Variants in ANKRD36 observed in about 807,000 individuals in gnomAD.
ANKRD36 encodes ankyrin repeat domain-containing protein 36A.
ANKRD36 carries 179 observed loss-of-function variants against 278.1 expected under a neutral mutation model. That is an observed-to-expected ratio of 0.64 (90% CI 0.57 to 0.73). The LOEUF is 0.73. Ranked by LOEUF, ANKRD36 falls within the 30% of genes least tolerant of loss-of-function variation. The probability of loss-of-function intolerance (pLI) is 0.00; values close to 1 mark genes in which losing one functional copy is unlikely to be tolerated. For missense variants in ANKRD36, 1,159 were observed against 1,956.7 expected (o/e 0.59, Z 7.69); for synonymous variants, 320 against 641.1 (o/e 0.50, Z 7.57).
At chr2:97,182,090 G>A (rs1335881934) in intron 26 of ANKRD36, among the ~76,000 whole-genome samples, 1 of 151,240 alleles carries the variant, frequency 6.6e-6, no homozygotes, top group Non-Finnish European at 1.5e-5. Context: ...TTTCACCAAG[G>A]GAGGAAGGAG....
intron 75 of ANKRD36, among the ~76,000 whole-genome samples, chr2:97,250,414 T>A (rs1308100395): frequency 7.0e-6 from 1 of 142,792 alleles, no homozygotes; most frequent in Non-Finnish European, 1.5e-5. Flanking sequence ...TGTGTATCCC[T>A]TTTTTTCTGG....
chr2:97,177,106 A>C (rs960525687), intron 22 of ANKRD36, among the ~76,000 whole-genome samples: 2 of 151,802 alleles, frequency 1.3e-5, no homozygotes, highest in African/African-American at 4.8e-5. Context: ...AATACCTAGG[A>C]ATCCAACTTA....
At chr2:97,135,312 T>C (rs2041205662) in intron 6 of ANKRD36, among the ~76,000 whole-genome samples, 1 of 151,820 alleles carries the variant, frequency 6.6e-6, no homozygotes, top group Non-Finnish European at 1.5e-5. Context: ...TGCTGAACTC[T>C]ATGTGTACAA....
chr2:97,163,256 G>T (rs1320159332), intron 18 of ANKRD36: 1 of 452,338 alleles, frequency 2.2e-6, no homozygotes, highest in Admixed American at 2.4e-5. Context: ...AACAGAGCAA[G>T]ACTCCATGTC....
At chr2:97,237,434 T>C (rs1379611717) in intron 68 of ANKRD36, among the ~76,000 whole-genome samples, 2 of 151,598 alleles carry the variant, frequency 1.3e-5, no homozygotes, top group African/African-American at 2.4e-5. Flanking sequence ...TTATATAAAT[T>C]ATTTTGACTT....
At chr2:97,157,973 C>T (rs2047894046) in intron 15 of ANKRD36, 134 bp from the exon 16 acceptor site, 2 of 727,844 alleles carry the variant, frequency 2.7e-6, no homozygotes, top group African/African-American at 1.8e-5. Flanking sequence ...AAGTAAATGG[C>T]AGACTTGAGG....
Position 97,149,284 on chromosome 2 carries a change from T to G in ANKRD36, c.1035-11T>G, listed in dbSNP as rs1330596098. The G allele has an allele frequency of 7.9e-5, 121 of 1,532,320 alleles. No homozygotes were observed. The highest frequency in any genetic ancestry group is 1.1e-4 in the Non-Finnish European group (121 of 1,143,822). The allele number at this position is 1,532,320 out of a possible 1,614,324, so 94.9% of individuals were successfully genotyped here. ...ATGAGCTCATTTTTGTAATATCTTT[T>G]TGCTCTGTAGGAGTCTCTACAGACC... On this transcript the variant is annotated splice_polypyrimidine_tract_variant and intron_variant, in intron 11 of 75. Coordinates refer to ENST00000420699, the MANE Select transcript of ANKRD36 (RefSeq NM_001354587.1).
In ANKRD36 at chr2:97,154,675, G is replaced by A. The variant is rs2047022759; in HGVS notation, c.1194G>A (p.Arg398=). The change falls in exon 15 of 76, where the codon AGG becomes AGA. Residue 398 remains arginine (R), a splice_region_variant and synonymous_variant. Coordinates refer to ENST00000420699, the MANE Select transcript of ANKRD36 (RefSeq NM_001354587.1). ...TTTGTAATATCTTTTTGCTCTGTAG[G>A]TGTCTCTACCTACTGGACCGTTTTG... ...VLPPVEEAVD[R]CLYLLDRFAQ... is the part of the protein sequence containing the mutation. 3 of 1,485,728 alleles carry A rather than the reference G, an allele frequency of 2.0e-6. No individual in the cohort carries two copies. The highest frequency in any genetic ancestry group is 1.4e-5 in the African/African-American group (1 of 72,634). 92.0% of individuals were successfully genotyped at this position (1,485,728 alleles called of 1,614,324 possible).
rs746229395 is a variant in ANKRD36 at position 97,209,849 on chromosome 2, A to T, written c.3344A>T (p.Lys1115Met). Residue 1115 changes from lysine (K) to methionine (M), a missense_variant, in exon 56 of 76, where the codon AAG (lysine) becomes ATG (methionine). Coordinates refer to ENST00000420699, the MANE Select transcript of ANKRD36 (RefSeq NM_001354587.1). ...GTTTTGTATATAGCCAGAGAAAAAA[A>T]GGATGGAGAAAAATCTAGGACAGGT... ...DSVLYIAREK[K>M]DGEKSRTVSS... 1.9e-6 allele frequency: 3 copies of T among 1,588,986 alleles called. No homozygotes were observed. The Admixed American group carries it at 5.4e-5, about 29-fold the overall frequency.
intron 48 of ANKRD36, among the ~76,000 whole-genome samples, chr2:97,203,337 T>G (rs1222043483): frequency 1.3e-5 from 2 of 151,876 alleles, no homozygotes; most frequent in Non-Finnish European, 2.9e-5. Flanking sequence ...TGTAGCAGTT[T>G]CACTTTGTAT....
At chr2:97,227,897 G>A (rs1190153656) in intron 67 of ANKRD36, among the ~76,000 whole-genome samples, 1 of 152,102 alleles carries the variant, frequency 6.6e-6, no homozygotes, top group East Asian at 2.0e-4. Context: ...AGATAATCAT[G>A]TGGTTTTTGT....
chr2:97,225,922 A>G (rs2069392993), intron 67 of ANKRD36, among the ~76,000 whole-genome samples: 1 of 151,672 alleles, frequency 6.6e-6, no homozygotes, highest in Non-Finnish European at 1.5e-5. Context: ...GATGATTTCC[A>G]ATTTCATCCA....
intron 11 of ANKRD36, among the ~76,000 whole-genome samples, chr2:97,148,051 A>G (rs1019006917): frequency 6.6e-6 from 1 of 152,030 alleles, no homozygotes; most frequent in Admixed American, 6.6e-5. Context: ...ATGTGGTATC[A>G]TCTTCTTCCA....
At chr2:97,187,018 C>G (rs987160830) in intron 30 of ANKRD36, among the ~76,000 whole-genome samples, 180 bp from the exon 31 acceptor site, 4 of 151,880 alleles carry the variant, frequency 2.6e-5, no homozygotes, top group Non-Finnish European at 4.4e-5. Context: ...CGTGGCACAT[C>G]TATTTCTGTT....
chr2:97,199,548 T>C (rs1405329694), intron 44 of ANKRD36, among the ~76,000 whole-genome samples: 1 of 151,946 alleles, frequency 6.6e-6, no homozygotes, highest in African/African-American at 2.4e-5. Flanking sequence ...TCAATGAATA[T>C]TGCAGTGATT....
At chr2:97,214,440 C>G (rs572967188) in intron 60 of ANKRD36, among the ~76,000 whole-genome samples, 1 of 150,500 alleles carries the variant, frequency 6.6e-6, no homozygotes, top group East Asian at 2.0e-4. Context: ...GCATGATATT[C>G]CTAACAAGAC....
chr2:97,148,315 T>C (rs1395766143), intron 11 of ANKRD36, among the ~76,000 whole-genome samples: 5 of 152,398 alleles, frequency 3.3e-5, no homozygotes, highest in Non-Finnish European at 7.4e-5. Context: ...AGCAGAGGAA[T>C]AGAGAGCTCC....
In ANKRD36 at chr2:97,146,150, A is replaced by G. The variant is rs565490483; in HGVS notation, c.1004-336A>G. On this transcript the variant is annotated intron_variant, in intron 10 of 75. Coordinates refer to ENST00000420699, the MANE Select transcript of ANKRD36 (RefSeq NM_001354587.1). ...ACCTGGTAATTTTTGTGTTTTTACT[A>G]GAGTCCGGCTTTTGCCATGTTGGCC... Among the ~76,000 whole-genome samples the G allele has an allele frequency of 1.2e-4, 19 of 152,156 alleles. No homozygotes were observed. The East Asian group carries it at 3.5e-3, about 28-fold the overall frequency.
chr2:97,174,432 C>G (rs200087523), intron 22 of ANKRD36, among the ~76,000 whole-genome samples: 1 of 151,456 alleles, frequency 6.6e-6, no homozygotes, highest in Non-Finnish European at 1.5e-5. Context: ...TCTTTGTTAC[C>G]ATTGGGCACC....
Sources: allele counts gnomAD v4.1 joint callset (sites outside exome capture counted in the v4.1 genomes callset), GRCh38; gene constraint gnomAD v4.1.1; transcripts MANE v1.5; gene names NCBI Gene and HGNC (gene_info 2026-07-23, HGNC 2026-07-21).